Variants in CPEB3 observed in about 807,000 individuals in gnomAD.
The protein encoded by CPEB3 is cytoplasmic polyadenylation element-binding protein 3.
A neutral mutation model predicts 67.2 loss-of-function variants in CPEB3; 20 were observed. The ratio of observed to expected loss-of-function variants is 0.30; its 90% CI spans 0.21 to 0.43. CPEB3 has a LOEUF of 0.43. CPEB3 is among the 20% of genes least tolerant of loss of function. The pLI is 1.00. For missense variants in CPEB3, 746 were observed against 968.6 expected (o/e 0.77, Z 3.05); for synonymous variants, 376 against 393.1 (o/e 0.96, Z 0.51).
intron 4 of CPEB3, among the ~76,000 whole-genome samples, chr10:92,160,281 G>A (rs1160070037): frequency 6.6e-6 from 1 of 152,086 alleles, no homozygotes; most frequent in Non-Finnish European, 1.5e-5. Context: ...AGCTATTACT[G>A]TTTACATAAC....
At chr10:92,141,787 G>C (rs1846436951) in intron 6 of CPEB3, among the ~76,000 whole-genome samples, 1 of 151,072 alleles carries the variant, frequency 6.6e-6, no homozygotes, top group South Asian at 2.1e-4. Flanking sequence ...GGGAGGCCAA[G>C]GCAGGCGGAT....
At chr10:92,185,446 C>A (rs951851886) in intron 3 of CPEB3, among the ~76,000 whole-genome samples, 2 of 151,948 alleles carry the variant, frequency 1.3e-5, no homozygotes, top group Non-Finnish European at 2.9e-5. Context: ...CCCATAAGCT[C>A]AATTCACATT....
chr10:92,204,031 T>C (rs191642941), intron 2 of CPEB3, among the ~76,000 whole-genome samples: 62 of 152,302 alleles, frequency 4.1e-4, no homozygotes, highest in African/African-American at 1.3e-3. Flanking sequence ...AGTTGTTTTT[T>C]TAATCCCATG....
intron 6 of CPEB3, among the ~76,000 whole-genome samples, chr10:92,120,037 G>A (rs796527127): frequency 9.6e-5 from 13 of 135,592 alleles, no homozygotes; most frequent in African/African-American, 3.2e-4. Context: ...GGCGGATCAC[G>A]AGGTCAGGAG....
chr10:92,257,746 T>C (rs1177422053), intron 1 of CPEB3, among the ~76,000 whole-genome samples: 1 of 150,936 alleles, frequency 6.6e-6, no homozygotes, highest in Non-Finnish European at 1.5e-5. Context: ...TTTTTTTTTT[T>C]GAGATGGAGT....
intron 4 of CPEB3, among the ~76,000 whole-genome samples, chr10:92,165,738 A>C (rs539565452): frequency 1.3e-5 from 2 of 152,234 alleles, no homozygotes; most frequent in African/African-American, 4.8e-5. Context: ...CATCAAGTAG[A>C]CTCTACCTTA....
chr10:92,148,999 C>G (rs1220304463), intron 4 of CPEB3, among the ~76,000 whole-genome samples: 2 of 150,580 alleles, frequency 1.3e-5, no homozygotes, highest in African/African-American at 4.9e-5. Flanking sequence ...CTCCCAGGTT[C>G]AAAGGATTCT....
chr10:92,135,078 A>C (rs1014179487), intron 6 of CPEB3, among the ~76,000 whole-genome samples: 2 of 152,160 alleles, frequency 1.3e-5, no homozygotes, highest in African/African-American at 4.8e-5. Context: ...AAAACCTAGG[A>C]AATACCATTC....
intron 1 of CPEB3, among the ~76,000 whole-genome samples, chr10:92,260,435 C>T (rs1201727884): frequency 2.0e-5 from 3 of 151,532 alleles, no homozygotes; most frequent in Non-Finnish European, 4.4e-5. Context: ...CCTGTAATCC[C>T]AGCTACTCGG....
chr10:92,062,923 C>T (rs1053953281), intron 9 of CPEB3, among the ~76,000 whole-genome samples: 6 of 152,280 alleles, frequency 3.9e-5, no homozygotes, highest in Non-Finnish European at 7.4e-5. Context: ...ATGAGAACTA[C>T]CTATGGAGAG....
chr10:92,240,312 C>G lies in CPEB3; in HGVS notation c.39G>C (p.Gln13His). The G allele has an allele frequency of 6.7e-7, 1 of 1,500,454 alleles. No homozygotes were observed. Among genetic ancestry groups the G allele is most frequent in the Non-Finnish European group, 8.9e-7 (1 of 1,125,180 alleles). The allele number at this position is 1,500,454 out of a possible 1,614,324, so 92.9% of individuals were successfully genotyped here. ...DDLLMDKSKT[Q>H]PQPQQQQRQQ... is the part of the protein sequence containing the mutation. ...GCCGCTGCTGCTGCTGGGGCTGGGG[C>G]TGGGTTTTGCTTTTGTCCATCAGTA... The change falls in exon 2 of 10, where the codon CAG becomes CAC. Residue 13 changes from glutamine to histidine, a missense_variant. By Grantham distance (24) the Gln-to-His change is conservative (BLOSUM62 0). Coordinates refer to ENST00000265997, the MANE Select transcript of CPEB3 (RefSeq NM_014912.5).
chr10:92,152,517 C>G (rs557827467), intron 4 of CPEB3, among the ~76,000 whole-genome samples: 1 of 152,298 alleles, frequency 6.6e-6, no homozygotes, highest in East Asian at 1.9e-4. Context: ...CCCTTTTAAA[C>G]TAGCTATCTG....
intron 4 of CPEB3, among the ~76,000 whole-genome samples, chr10:92,172,540 A>G (rs1848051545): frequency 6.6e-6 from 1 of 152,250 alleles, no homozygotes; most frequent in Non-Finnish European, 1.5e-5. Flanking sequence ...AAGAGTAAAA[A>G]TCACACGGGA....
At chr10:92,120,207 T>C (rs1032184244) in intron 6 of CPEB3, among the ~76,000 whole-genome samples, 1 of 149,440 alleles carries the variant, frequency 6.7e-6, no homozygotes, top group African/African-American at 2.5e-5. Flanking sequence ...GTCAGGAGAT[T>C]GAGACCATCC....
chr10:92,052,479 A>G, intron 9 of CPEB3, 40 bp from the exon 10 acceptor site: 1 of 1,561,346 alleles, frequency 6.4e-7, no homozygotes, highest in Non-Finnish European at 8.8e-7. Flanking sequence ...ATGATTTAGC[A>G]AAGCTTCCTT....
intron 4 of CPEB3, among the ~76,000 whole-genome samples, chr10:92,163,181 T>C (rs1847577806): frequency 1.3e-5 from 2 of 152,184 alleles, no homozygotes; most frequent in African/African-American, 4.8e-5. Flanking sequence ...ACACCTGTAA[T>C]CCCAGCACTC....
intron 2 of CPEB3, among the ~76,000 whole-genome samples, chr10:92,196,809 G>A (rs1486811219): frequency 6.6e-6 from 1 of 151,314 alleles, no homozygotes; most frequent in Non-Finnish European, 1.5e-5. Flanking sequence ...GCAGGTGCCT[G>A]TAATCCCAGC....
At position 92,176,430 on chromosome 10, in the gene CPEB3, G is replaced by A. The variant is rs187433874; in HGVS notation, c.1222+4533C>T. On this transcript the variant is annotated intron_variant, in intron 4 of 9. Transcript: ENST00000265997. Reference sequence around the variant, plus strand: ...CAAGGCCATATAGCTTGTAAAGAGGGAATGGGATCTACCTAACTCCAGATG... The same window carrying A: ...CAAGGCCATATAGCTTGTAAAGAGGAAATGGGATCTACCTAACTCCAGATG... Among the ~76,000 whole-genome samples the A allele has an allele frequency of 7.2e-5, 11 of 152,334 alleles. No individual in the cohort carries two copies. The East Asian group carries it at 2.1e-3, about 29-fold the overall frequency.
chr10:92,151,417 T>C (rs1846962971), intron 4 of CPEB3, among the ~76,000 whole-genome samples: 1 of 152,138 alleles, frequency 6.6e-6, no homozygotes, highest in Admixed American at 6.6e-5. Context: ...TACATACATA[T>C]TCCCTAGAAG....
Sources: gnomAD v4.1 joint callset for allele counts (sites outside exome capture counted in the v4.1 genomes callset) on GRCh38, gnomAD v4.1.1 for gene constraint, MANE v1.5 for transcripts, NCBI Gene and HGNC (gene_info 2026-07-23, HGNC 2026-07-21) for gene names.